The following TP73 variants were observed in gnomAD, a reference collection of about 807,000 sequenced individuals.
TP73 encodes p53-like transcription factor.
A neutral mutation model predicts 62.5 loss-of-function variants in TP73; 25 were observed. The observed-to-expected ratio is 0.40, with a 90% CI of 0.29 to 0.56. The LOEUF (loss-of-function observed/expected upper bound fraction) is 0.56. TP73 is among the 20% of genes least tolerant of loss of function. The pLI, the probability that TP73 is intolerant of heterozygous loss-of-function variation, is 0.46. For synonymous variants in TP73, 423 were observed against 377.5 expected, an observed-to-expected ratio of 1.12 and a Z score of -1.40; for missense variants, 754 against 913.3, an observed-to-expected ratio of 0.83 and a Z score of 2.25.
chr1:3,729,253 TC>T (rs1335795985), intron 9 of TP73, 73 bp from the exon 10 acceptor site: 8 of 1,595,440 alleles, frequency 5.0e-6, no homozygotes, highest in African/African-American at 1.3e-5. Flanking sequence ...GCCCAGGTCC[TC>T]CTGAGGCTGC....
intron 13 of TP73, 137 bp from the exon 14 acceptor site, chr1:3,732,610 C>G (rs978195018): frequency 1.8e-5 from 14 of 759,468 alleles, no homozygotes; most frequent in Non-Finnish European, 2.3e-5. Context: ...GGCTCTCCCC[C>G]TCCCCCGTCT....
intron 1 of TP73, among the ~76,000 whole-genome samples, chr1:3,679,215 G>A (rs1051328039): frequency 2.0e-5 from 3 of 152,166 alleles, no homozygotes; most frequent in African/African-American, 7.2e-5. Context: ...GCTTCAGGGG[G>A]AGTTCACAGG....
chr1:3,730,187 G>A, intron 11 of TP73, 39 bp downstream of exon 11: 10 of 1,479,638 alleles, frequency 6.8e-6, no homozygotes, highest in East Asian at 2.5e-5. Context: ...GGGCAGGGCG[G>A]GGAGGCCCAC....
At position 3,727,159 on chromosome 1, in the gene TP73, C is replaced by T. The variant is rs748732788; in HGVS notation, c.777C>T (p.Asn259=). 6.8e-6 allele frequency: 11 copies of T among 1,612,076 alleles called. No individual in the cohort carries two copies. Among genetic ancestry groups the T allele is most frequent in the African/African-American group, 2.7e-5 (2 of 74,864 alleles). The change falls in exon 7 of 14, where the codon AAC becomes AAT. Residue 259 remains asparagine, a synonymous_variant. Coordinates refer to ENST00000378295, the MANE Select transcript of TP73 (RefSeq NM_005427.4). ...CCATCCTGTACAACTTCATGTGTAA[C>T]AGCAGCTGTGTAGGGGGCATGAACC... ...FTTILYNFMC[N]SSCVGGMNRR...
chr1:3,682,539 G>A (rs189464525), intron 2 of TP73, 109 bp downstream of exon 2: 34 of 1,125,660 alleles, frequency 3.0e-5, no homozygotes, highest in Non-Finnish European at 3.7e-5. Flanking sequence ...GGGTGGCCCC[G>A]GGAGGACTCT....
rs75649198 is a variant in TP73, at chr1:3,711,101, C to T, written c.429+3310C>T. On this transcript the variant is annotated intron_variant, in intron 4 of 13. Coordinates refer to ENST00000378295, the MANE Select transcript of TP73 (RefSeq NM_005427.4). Reference sequence around the variant, plus strand: ...AGCTGCCCGTGAGCACCTTCTGCTTCGCCCCTCTGCCCTGGCATCCTCACC... The same window carrying T: ...AGCTGCCCGTGAGCACCTTCTGCTTTGCCCCTCTGCCCTGGCATCCTCACC... Among the ~76,000 whole-genome samples, 525 of 152,348 alleles carry T rather than the reference C, an allele frequency of 3.4e-3. 2 individuals carry two copies. The highest frequency in any genetic ancestry group is 0.012 in the African/African-American group (487 of 41,584).
At position 3,662,708 on chromosome 1, in the gene TP73, T is replaced by G. The variant is rs1324591465; in HGVS notation, c.-34+10067T>G. On this transcript the variant is annotated intron_variant, in intron 1 of 13. Transcript: ENST00000378295. The surrounding 1 kb of genome is among the most constrained non-coding windows in gnomAD (Gnocchi z 4.4). ...CCTCAAGCCATGTTTTGGGGTGGGG[T>G]GGCGTGTCCTGAGCCCCAACCCAGG... 6.6e-6 allele frequency among the ~76,000 whole-genome samples: 1 copy of G among 151,940 alleles called. No individual in the cohort carries two copies. The highest frequency in any genetic ancestry group is 1.5e-5 in the Non-Finnish European group (1 of 67,986).
At position 3,672,046 on chromosome 1, in the gene TP73, C is replaced by G. The variant is rs1368085193; in HGVS notation, c.-33-10287C>G. 6.6e-6 allele frequency among the ~76,000 whole-genome samples: 1 copy of G among 152,166 alleles called. No individual in the cohort carries two copies. Among genetic ancestry groups the G allele is most frequent in the Non-Finnish European group, 1.5e-5 (1 of 68,014 alleles). On this transcript the variant is annotated intron_variant, in intron 1 of 13. Transcript: ENST00000378295. The surrounding 1 kb of genome is among the most constrained non-coding windows in gnomAD (Gnocchi z 5.3). Reference sequence around the variant, plus strand: ...GAGTTGACAGCTGTCTGGAAGGGCACGTCTGCTCAGACCGCAGGGTAGGGA... The same window carrying G: ...GAGTTGACAGCTGTCTGGAAGGGCAGGTCTGCTCAGACCGCAGGGTAGGGA...
Position 3,707,547 on chromosome 1 carries a change from A to G in TP73, c.187-2A>G. 1.2e-6 allele frequency: 2 copies of G among 1,602,226 alleles called. No individual in the cohort carries two copies. The highest frequency in any genetic ancestry group is 1.7e-6 in the Non-Finnish European group (2 of 1,171,436). On this transcript the variant is annotated splice_acceptor_variant, in intron 3 of 13. Coordinates refer to ENST00000378295, the MANE Select transcript of TP73 (RefSeq NM_005427.4). LOFTEE classifies it high-confidence loss of function. The stretch of plus-strand genomic sequence containing the variant: ...CCTCCCTCCTCCCCTTTCCCGCGCC[A>G]GGCCCAGTTCAATCTGCTGAGCAGC...
intron 4 of TP73, among the ~76,000 whole-genome samples, chr1:3,713,555 AC>A (rs921537796): frequency 1.3e-5 from 2 of 152,104 alleles, no homozygotes; most frequent in Non-Finnish European, 2.9e-5. Context: ...GGTTTCTGCC[AC>A]CCCAGGCCAG....
intron 11 of TP73, 99 bp downstream of exon 11, chr1:3,730,247 G>C: frequency 1.5e-6 from 2 of 1,329,034 alleles, no homozygotes; most frequent in Non-Finnish European, 2.0e-6. Flanking sequence ...CCCAGGGCAG[G>C]TGTCTCTGTG....
rs3765739 is a variant in TP73 at position 3,701,057 on chromosome 1, A to G, written c.187-6492A>G. Reference sequence around the variant, plus strand: ...TGGGGCTGTGGCCGACATGGCGGGCAGTGGCACACCGTGGCCACTTCCCCC... The same window carrying G: ...TGGGGCTGTGGCCGACATGGCGGGCGGTGGCACACCGTGGCCACTTCCCCC... On this transcript the variant is annotated intron_variant, in intron 3 of 13. Transcript: ENST00000378295. This position sits in a 1 kb window ranked among gnomAD's most constrained non-coding sequence, Gnocchi z 4.7. 0.33 allele frequency among the ~76,000 whole-genome samples: 50,903 copies of G among 152,006 alleles called. 8,947 individuals carry two copies. The highest frequency in any genetic ancestry group is 0.38 in the Non-Finnish European group (26,111 of 67,936).
intron 6 of TP73, 88 bp from the exon 7 acceptor site, chr1:3,727,027 G>A: frequency 8.7e-7 from 1 of 1,143,682 alleles, no homozygotes; most frequent in Non-Finnish European, 1.3e-6. Flanking sequence ...CGTGGAGCCA[G>A]GACCAGACAT....
At chr1:3,706,962 A>G (rs1390638998) in intron 3 of TP73, among the ~76,000 whole-genome samples, 2 of 151,970 alleles carry the variant, frequency 1.3e-5, no homozygotes, top group African/African-American at 2.4e-5. Context: ...AGGCCGCCCA[A>G]CTGGGAAAAT....
chr1:3,694,872 C>A (rs1638475144), intron 3 of TP73, among the ~76,000 whole-genome samples: 1 of 123,718 alleles, frequency 8.1e-6, no homozygotes. Context: ...GCAGCCTCAG[C>A]CCCTCCTCCT....
At chr1:3,720,382 G>C (rs1570596909) in intron 4 of TP73, among the ~76,000 whole-genome samples, 1 of 152,330 alleles carries the variant, frequency 6.6e-6, no homozygotes, top group South Asian at 2.1e-4. Context: ...GGCTCCAGGG[G>C]CTCCAGGTGG....
rs59432695 is a variant in TP73 at position 3,666,124 on chromosome 1, CAAAAA to C, written c.-34+13506_-34+13510del. On this transcript the variant is annotated intron_variant, in intron 1 of 13. Coordinates refer to ENST00000378295, the MANE Select transcript of TP73 (RefSeq NM_005427.4). The surrounding 1 kb of genome is among the most constrained non-coding windows in gnomAD (Gnocchi z 6.4). ...GGGCAACAAGAGCAAAACTCTGTCT[CAAAAA>C]AAAAAAAAAAAAAAAAAAAAAAGAG... 4.4e-4 allele frequency among the ~76,000 whole-genome samples: 18 copies of C among 41,082 alleles called. No individual in the cohort carries two copies. Among genetic ancestry groups the C allele is most frequent in the African/African-American group, 9.8e-4 (11 of 11,210 alleles). 27.0% of individuals were successfully genotyped at this position (41,082 alleles called of 152,430 possible). A position where few individuals can be genotyped will look rare whatever the true frequency, so the allele number is the denominator to read the frequency against.
intron 1 of TP73, among the ~76,000 whole-genome samples, chr1:3,673,714 C>A (rs1198015927): frequency 6.6e-6 from 1 of 152,190 alleles, no homozygotes; most frequent in Non-Finnish European, 1.5e-5. Flanking sequence ...GACCCAAACA[C>A]ATATATGACA....
intron 1 of TP73, among the ~76,000 whole-genome samples, chr1:3,669,934 G>C (rs888828669): frequency 2.0e-5 from 3 of 152,238 alleles, no homozygotes; most frequent in Admixed American, 1.3e-4. Context: ...GTGCATGTAT[G>C]TGCAAGTGTG....
Sources: allele counts gnomAD v4.1 joint callset (sites outside exome capture counted in the v4.1 genomes callset), GRCh38; gene constraint gnomAD v4.1.1; non-coding constraint Gnocchi (gnomAD v3.1); transcripts MANE v1.5; gene names NCBI Gene and HGNC (gene_info 2026-07-23, HGNC 2026-07-21).